The following ARHGAP25 variants were observed in gnomAD, a reference collection of about 807,000 sequenced individuals.
The protein encoded by ARHGAP25 is Rho GTPase activating protein 25.
Under a neutral mutation model 71.0 loss-of-function variants are expected in ARHGAP25, and 34 were observed. The observed-to-expected ratio is 0.48, with a 90% CI of 0.36 to 0.64. The LOEUF is 0.64. ARHGAP25 is among the 30% of genes least tolerant of loss of function. The pLI, the probability that ARHGAP25 is intolerant of heterozygous loss-of-function variation, is 0.00. For missense variants in ARHGAP25, 706 were observed against 805.1 expected (o/e 0.88, Z 1.49); for synonymous variants, 282 against 296.5 (o/e 0.95, Z 0.50).
At chr2:68,782,935 T>C (rs1678448259) in intron 3 of ARHGAP25, among the ~76,000 whole-genome samples, 1 of 152,242 alleles carries the variant, frequency 6.6e-6, no homozygotes, top group Admixed American at 6.5e-5. Flanking sequence ...CTCTTGCTCC[T>C]CTGCTAGCCC....
chr2:68,789,741 C>T (rs1488730134), intron 4 of ARHGAP25, among the ~76,000 whole-genome samples: 3 of 152,030 alleles, frequency 2.0e-5, no homozygotes, highest in African/African-American at 2.4e-5. Context: ...AAATGGTATC[C>T]GTGTACTTTC....
rs540184888 is a variant in ARHGAP25, at chr2:68,821,391, C to T, written c.1201-949C>T. Among the ~76,000 whole-genome samples, 4 of 152,338 alleles carry T rather than the reference C, an allele frequency of 2.6e-5. No individual in the cohort carries two copies. The South Asian group carries it at 6.2e-4, about 24-fold the overall frequency. Reference sequence around the variant, plus strand: ...CTGGGATTACAGGCATCAGCCGCTGCACCCAGCCTTTCAGTTCTTCATACT... The same window carrying T: ...CTGGGATTACAGGCATCAGCCGCTGTACCCAGCCTTTCAGTTCTTCATACT... On this transcript the variant is annotated intron_variant, in intron 9 of 10. Coordinates refer to ENST00000409202, the MANE Select transcript of ARHGAP25 (RefSeq NM_001007231.3).
At chr2:68,724,128 A>G (rs1449537294) in intron 2 of ARHGAP25, among the ~76,000 whole-genome samples, 2 of 152,084 alleles carry the variant, frequency 1.3e-5, no homozygotes, top group Non-Finnish European at 1.5e-5. Context: ...GAGCAGAACC[A>G]TGCAGCTGAG....
At chr2:68,758,520 A>G (rs1469045330) in intron 1 of ARHGAP25, among the ~76,000 whole-genome samples, 1 of 152,000 alleles carries the variant, frequency 6.6e-6, no homozygotes, top group Non-Finnish European at 1.5e-5. Context: ...AAAGAAAAAC[A>G]TTATACATTA....
chr2:68,759,707 A>T (rs1491003096), intron 1 of ARHGAP25, among the ~76,000 whole-genome samples: 1 of 151,990 alleles, frequency 6.6e-6, no homozygotes, highest in Non-Finnish European at 1.5e-5. Context: ...AAAAGAATTG[A>T]AAAACAAGGG....
chr2:68,742,757 C>G (rs563920002), intron 1 of ARHGAP25, among the ~76,000 whole-genome samples: 4 of 152,188 alleles, frequency 2.6e-5, no homozygotes, highest in Non-Finnish European at 5.9e-5. Context: ...TTTCTTTAGA[C>G]ATATGGTCTT....
chr2:68,796,913 C>T (rs1462573089), intron 4 of ARHGAP25, among the ~76,000 whole-genome samples: 1 of 152,182 alleles, frequency 6.6e-6, no homozygotes, highest in Non-Finnish European at 1.5e-5. Flanking sequence ...TTCTAGTTCT[C>T]AAGCACAGTG....
chr2:68,718,837 C>T (rs1326022357), intron 2 of ARHGAP25, among the ~76,000 whole-genome samples: 1 of 152,176 alleles, frequency 6.6e-6, no homozygotes, highest in African/African-American at 2.4e-5. Flanking sequence ...CCTTGGATAG[C>T]TTTAGGATAG....
upstream of ARHGAP25, among the ~76,000 whole-genome samples, chr2:68,733,397 T>G (rs910938382): frequency 2.6e-5 from 4 of 152,076 alleles, no homozygotes; most frequent in African/African-American, 9.7e-5. Context: ...AGAGGAGAGA[T>G]ATTTGCAAGT....
intron 5 of ARHGAP25, among the ~76,000 whole-genome samples, chr2:68,810,497 G>T (rs965037019): frequency 6.6e-6 from 1 of 152,232 alleles, no homozygotes; most frequent in South Asian, 2.1e-4. Context: ...GAAATGAACT[G>T]GGAAGCTTTC....
chr2:68,807,520 C>T (rs1203171739), intron 5 of ARHGAP25, 40 bp downstream of exon 5: 1 of 1,595,004 alleles, frequency 6.3e-7, no homozygotes, highest in Non-Finnish European at 8.6e-7. Context: ...CTGCCCTCCC[C>T]TCTGCTTGGC....
intron 1 of ARHGAP25, chr2:68,774,860 G>A (rs1677754510): frequency 4.0e-6 from 5 of 1,235,754 alleles, no homozygotes; most frequent in Non-Finnish European, 5.1e-6. Flanking sequence ...TGACTCCCAC[G>A]CAGGAAAAAG....
intron 3 of ARHGAP25, among the ~76,000 whole-genome samples, chr2:68,785,803 C>G (rs995334055): frequency 2.6e-5 from 4 of 152,148 alleles, no homozygotes; most frequent in Non-Finnish European, 5.9e-5. Context: ...GAAGAGAGGT[C>G]CATTTCCAAC....
chr2:68,777,172 A>T (rs976482605), intron 2 of ARHGAP25, among the ~76,000 whole-genome samples: 1 of 152,194 alleles, frequency 6.6e-6, no homozygotes, highest in African/African-American at 2.4e-5. Context: ...ACGATGGAGG[A>T]AGTCCTCCTA....
intron 2 of ARHGAP25, among the ~76,000 whole-genome samples, chr2:68,727,034 AG>A (rs1442810406): frequency 1.3e-5 from 2 of 152,374 alleles, no homozygotes; most frequent in East Asian, 3.9e-4. Context: ...CAAATAAAAA[AG>A]ATCTTTACGT....
In ARHGAP25 at chr2:68,767,381, GAT is replaced by G. The variant is rs1460881289; in HGVS notation, c.62-7838_62-7837del. ...ACTGAGGGCCATCATCCCGCAGTCT[GAT>G]AACAGGATAGGTGGGGGGTCTGCAT... On this transcript the variant is annotated intron_variant, in intron 1 of 10. Transcript: ENST00000409202. The surrounding 1 kb of genome is among the most constrained non-coding windows in gnomAD (Gnocchi z 4.6). 6.6e-6 allele frequency among the ~76,000 whole-genome samples: 1 copy of G among 152,000 alleles called. No homozygotes were observed. The highest frequency in any genetic ancestry group is 1.5e-5 in the Non-Finnish European group (1 of 67,984).
At chr2:68,721,885 C>T (rs1674771116) in intron 2 of ARHGAP25, among the ~76,000 whole-genome samples, 1 of 152,200 alleles carries the variant, frequency 6.6e-6, no homozygotes, top group Non-Finnish European at 1.5e-5. Flanking sequence ...CCTTTCCTAC[C>T]TACTCCTTCC....
chr2:68,738,065 A>T (rs141522191), intron 1 of ARHGAP25, among the ~76,000 whole-genome samples: 264 of 152,320 alleles, frequency 1.7e-3, no homozygotes, highest in African/African-American at 6.0e-3. Context: ...TGGCAGGAAT[A>T]GGGGTTGGAA....
chr2:68,753,280 T>C (rs1676286723), intron 1 of ARHGAP25, among the ~76,000 whole-genome samples: 1 of 152,212 alleles, frequency 6.6e-6, no homozygotes, highest in Non-Finnish European at 1.5e-5. Flanking sequence ...TATGGCGGAA[T>C]CAAGACTAGA....
Sources: gnomAD v4.1 joint callset for allele counts (sites outside exome capture counted in the v4.1 genomes callset) on GRCh38, gnomAD v4.1.1 for gene constraint, Gnocchi (gnomAD v3.1) non-coding constraint, MANE v1.5 for transcripts, NCBI Gene and HGNC (gene_info 2026-07-23, HGNC 2026-07-21) for gene names.